The following GRIK3 variants were observed in gnomAD, a reference collection of about 807,000 sequenced individuals.
GRIK3 encodes glutamate receptor ionotropic, kainate 3.
Under a neutral mutation model 102.5 loss-of-function variants are expected in GRIK3, and 29 were observed. The observed-to-expected ratio is 0.28, with a 90% confidence interval of 0.21 to 0.39. GRIK3 has a LOEUF of 0.39. Among genes scored for constraint, GRIK3 ranks in the 10% least tolerant of loss-of-function variants. GRIK3 has a pLI of 1.00. For synonymous variants in GRIK3, 511 were observed against 504.9 expected (o/e 1.01, Z -0.16); for missense variants, 908 against 1,252.4 (o/e 0.73, Z 4.15).
intron 1 of GRIK3, among the ~76,000 whole-genome samples, chr1:36,901,941 A>C (rs533468499): frequency 1.4e-4 from 21 of 152,380 alleles, no homozygotes; most frequent in Admixed American, 1.3e-3. Context: ...ACCAGCAATG[A>C]ACAAATGGAA....
chr1:36,931,693 A>G (rs1320676442), intron 1 of GRIK3, among the ~76,000 whole-genome samples: 1 of 152,200 alleles, frequency 6.6e-6, no homozygotes, highest in African/African-American at 2.4e-5. Flanking sequence ...AGGAGAGTCC[A>G]TCTTCCTAAT....
chr1:36,846,332 G>C (rs915224794), intron 9 of GRIK3, among the ~76,000 whole-genome samples: 1 of 152,222 alleles, frequency 6.6e-6, no homozygotes, highest in African/African-American at 2.4e-5. Context: ...TCCAGGGTAA[G>C]GCATCTTTAG....
chr1:36,948,817 G>C (rs985074768), intron 1 of GRIK3, among the ~76,000 whole-genome samples: 1 of 152,092 alleles, frequency 6.6e-6, no homozygotes, highest in African/African-American at 2.4e-5. Flanking sequence ...CCCACTGCCC[G>C]CCAGGTGGAC....
chr1:36,915,857 T>A (rs1641393469), intron 1 of GRIK3, among the ~76,000 whole-genome samples: 1 of 152,114 alleles, frequency 6.6e-6, no homozygotes. Flanking sequence ...ATTGGCAACA[T>A]GAAAATGGGC....
chr1:36,958,838 T>C (rs1417267865), intron 1 of GRIK3, among the ~76,000 whole-genome samples: 3 of 99,772 alleles, frequency 3.0e-5, no homozygotes, highest in Non-Finnish European at 4.2e-5. Flanking sequence ...GTCTGTGCCT[T>C]GTGACTCTGT....
intron 1 of GRIK3, among the ~76,000 whole-genome samples, chr1:36,927,776 C>A (rs1249558906): frequency 1.3e-5 from 2 of 152,184 alleles, no homozygotes; most frequent in Non-Finnish European, 2.9e-5. Context: ...TAGATTTCAA[C>A]AGGTTCCGAG....
intron 1 of GRIK3, among the ~76,000 whole-genome samples, chr1:36,903,305 G>A (rs940834779): frequency 2.0e-5 from 3 of 152,190 alleles, no homozygotes; most frequent in African/African-American, 7.2e-5. Flanking sequence ...CCAAAATTCA[G>A]AACACTAGCA....
intron 1 of GRIK3, among the ~76,000 whole-genome samples, chr1:36,984,632 G>A (rs1194743316): frequency 6.6e-6 from 1 of 152,242 alleles, no homozygotes; most frequent in Non-Finnish European, 1.5e-5. Flanking sequence ...GGCATGGATG[G>A]AAGAGTGCAC....
intron 1 of GRIK3, among the ~76,000 whole-genome samples, chr1:36,936,765 G>A (rs1005369546): frequency 2.6e-5 from 4 of 152,012 alleles, no homozygotes; most frequent in Admixed American, 6.5e-5. Context: ...CATGCTAGGG[G>A]CTGTTAAGTG....
intron 1 of GRIK3, among the ~76,000 whole-genome samples, chr1:36,993,398 G>A (rs368170241): frequency 6.6e-6 from 1 of 152,128 alleles, no homozygotes; most frequent in East Asian, 1.9e-4. Flanking sequence ...GAGTTGCTGG[G>A]ACTACAGGCA....
chr1:36,981,804 G>A (rs925896783), intron 1 of GRIK3, among the ~76,000 whole-genome samples: 10 of 152,200 alleles, frequency 6.6e-5, no homozygotes, highest in Admixed American at 5.9e-4. Flanking sequence ...TGTGTACCAG[G>A]CACTGTTCTG....
chr1:36,941,067 G>C (rs1315283751), intron 1 of GRIK3, among the ~76,000 whole-genome samples: 1 of 152,162 alleles, frequency 6.6e-6, no homozygotes, highest in Non-Finnish European at 1.5e-5. Flanking sequence ...GTGGTTTCTT[G>C]GGTCTCAGTC....
chr1:36,937,445 G>T (rs1265431775), intron 1 of GRIK3, among the ~76,000 whole-genome samples: 1 of 152,178 alleles, frequency 6.6e-6, no homozygotes, highest in African/African-American at 2.4e-5. Flanking sequence ...GCTATAATCA[G>T]CCTGTGAGCT....
At chr1:36,863,662 G>A (rs1218154229) in intron 5 of GRIK3, among the ~76,000 whole-genome samples, 1 of 152,160 alleles carries the variant, frequency 6.6e-6, no homozygotes, top group African/African-American at 2.4e-5. Context: ...ATCAGCTCAA[G>A]TATCACCTCT....
At chr1:36,881,946 G>A (rs1045796855) in intron 2 of GRIK3, among the ~76,000 whole-genome samples, 4 of 151,916 alleles carry the variant, frequency 2.6e-5, no homozygotes, top group South Asian at 2.1e-4. Flanking sequence ...CTATTTGCAC[G>A]TGCTGTCCTC....
At chr1:36,807,544 C>G (rs1474431889) in intron 13 of GRIK3, among the ~76,000 whole-genome samples, 3 of 152,142 alleles carry the variant, frequency 2.0e-5, no homozygotes, top group Non-Finnish European at 4.4e-5. Context: ...TGGCGCAGGA[C>G]TGGGGCATGG....
At chr1:36,818,086 C>T (rs1308125567) in intron 12 of GRIK3, among the ~76,000 whole-genome samples, 1 of 152,182 alleles carries the variant, frequency 6.6e-6, no homozygotes, top group African/African-American at 2.4e-5. Flanking sequence ...AATATTTGGA[C>T]CTGCAATCTG....
At position 36,872,293 on chromosome 1, in the gene GRIK3, G is replaced by T. The variant is rs544169323; in HGVS notation, c.627C>A (p.Ile209=). The change falls in exon 4 of 16, where the codon ATC becomes ATA. Residue 209 remains isoleucine, a synonymous_variant. Transcript: ENST00000373091. The surrounding 1 kb of genome is among the most constrained non-coding windows in gnomAD (Gnocchi z 5.9). Reference sequence around the variant, plus strand: ...GCAAGGGGCGCGAGTCGTCAGAGTCGATGGGGAGCTGACGGATCTTCAGGC... The same window carrying T: ...GCAAGGGGCGCGAGTCGTCAGAGTCTATGGGGAGCTGACGGATCTTCAGGC... ...NIRLKIRQLP[I]DSDDSRPLLK... 2 of 1,612,958 alleles carry T rather than the reference G, an allele frequency of 1.2e-6. No homozygotes were observed. Among genetic ancestry groups the T allele is most frequent in the Non-Finnish European group, 1.7e-6 (2 of 1,179,402 alleles).
intron 1 of GRIK3, among the ~76,000 whole-genome samples, chr1:36,964,986 A>G (rs1642064337): frequency 6.6e-6 from 1 of 152,200 alleles, no homozygotes; most frequent in South Asian, 2.1e-4. Flanking sequence ...ATGTTTGTTG[A>G]TCCTCTTAAG....
Sources: gnomAD v4.1 joint callset for allele counts (sites outside exome capture counted in the v4.1 genomes callset) on GRCh38, gnomAD v4.1.1 for gene constraint, Gnocchi (gnomAD v3.1) non-coding constraint, MANE v1.5 for transcripts, NCBI Gene and HGNC (gene_info 2026-07-23, HGNC 2026-07-21) for gene names.